Variants in KIRREL3 observed in about 807,000 individuals in gnomAD.
KIRREL3 encodes kin of IRRE-like protein 3.
Under a neutral mutation model 89.7 loss-of-function variants are expected in KIRREL3, and 36 were observed. That is an observed-to-expected ratio of 0.40 (90% confidence interval 0.31 to 0.53). The LOEUF is 0.53. Ranked by LOEUF, KIRREL3 falls within the 20% of genes least tolerant of loss-of-function variation. KIRREL3 has a pLI of 0.49. For missense variants in KIRREL3, 864 were observed against 1,056.6 expected (o/e 0.82, Z 2.53); for synonymous variants, 445 against 441.4 (o/e 1.01, Z -0.10).
intron 1 of KIRREL3, among the ~76,000 whole-genome samples, chr11:126,806,176 TG>T (rs1464938938): frequency 1.3e-5 from 2 of 152,174 alleles, no homozygotes; most frequent in African/African-American, 4.8e-5. Flanking sequence ...GGAAAGCTAT[TG>T]TCTTGATTTT....
At chr11:126,556,037 C>T (rs1163520858) in intron 2 of KIRREL3, among the ~76,000 whole-genome samples, 11 of 152,156 alleles carry the variant, frequency 7.2e-5, no homozygotes, top group East Asian at 1.9e-4. Flanking sequence ...CCACCGTGCC[C>T]GGCCTTCAGT....
chr11:126,429,127 A>G lies in KIRREL3; in HGVS notation c.1806+52T>C. The G allele has an allele frequency of 8.2e-7, 1 of 1,216,576 alleles. No individual in the cohort carries two copies. The highest frequency in any genetic ancestry group is 1.2e-6 in the Non-Finnish European group (1 of 828,798). The allele number at this position is 1,216,576 out of a possible 1,614,324, so 75.4% of individuals were successfully genotyped here. On this transcript the variant is annotated intron_variant, in intron 15 of 16. Coordinates refer to ENST00000525144, the MANE Select transcript of KIRREL3 (RefSeq NM_032531.4). The surrounding 1 kb of genome is among the most constrained non-coding windows in gnomAD (Gnocchi z 5.2). ...TCATTGAGAAGCCTCTAGTCCCAGGACCTTCTGGGAATGGAGTCACGGGAT... is the reference window on the plus strand; with the variant it reads ...TCATTGAGAAGCCTCTAGTCCCAGGGCCTTCTGGGAATGGAGTCACGGGAT...
intron 2 of KIRREL3, among the ~76,000 whole-genome samples, chr11:126,548,336 C>A (rs1021020334): frequency 6.6e-5 from 10 of 152,232 alleles, no homozygotes; most frequent in Non-Finnish European, 1.5e-5. Flanking sequence ...TGGACCCCTT[C>A]TCTTGAGGGC....
rs886769787 is a variant in KIRREL3, at chr11:126,863,610, C to T, written c.55+136845G>A. ...GTGTGTTTGAGTGCGTGTGTGTTTGCGTGCGTGTGTGTGTGTTTGAGTGCG... is the reference window on the plus strand; with the variant it reads ...GTGTGTTTGAGTGCGTGTGTGTTTGTGTGCGTGTGTGTGTGTTTGAGTGCG... On this transcript the variant is annotated intron_variant, in intron 1 of 16. Transcript: ENST00000525144. Among the ~76,000 whole-genome samples the T allele has an allele frequency of 3.3e-4, 7 of 20,956 alleles. No homozygotes were observed. The South Asian group carries it at 0.012, about 37-fold the overall frequency. The allele number at this position is 20,956 out of a possible 152,430, so 13.7% of individuals were successfully genotyped here.
intron 1 of KIRREL3, among the ~76,000 whole-genome samples, chr11:126,799,145 T>A (rs867631205): frequency 7.3e-6 from 1 of 137,366 alleles, no homozygotes; most frequent in African/African-American, 2.8e-5. Flanking sequence ...TACCTGTGTG[T>A]GCATGTGCGT....
intron 4 of KIRREL3, among the ~76,000 whole-genome samples, chr11:126,509,361 G>A (rs1211328083): frequency 6.6e-6 from 1 of 152,154 alleles, no homozygotes; most frequent in Non-Finnish European, 1.5e-5. Flanking sequence ...CACCCTCCAA[G>A]CTTGGCTTCA....
At chr11:126,966,543 C>T (rs975189556) in intron 1 of KIRREL3, among the ~76,000 whole-genome samples, 7 of 152,130 alleles carry the variant, frequency 4.6e-5, no homozygotes, top group South Asian at 4.1e-4. Context: ...GCCGCAGAAC[C>T]GTGGTGTACT....
At chr11:126,657,113 C>T (rs1945178306) in intron 1 of KIRREL3, among the ~76,000 whole-genome samples, 2 of 151,972 alleles carry the variant, frequency 1.3e-5, no homozygotes, top group African/African-American at 2.4e-5. Flanking sequence ...TTTTCTCTCA[C>T]ACTGTATTGT....
rs999092829 is a variant in KIRREL3, at chr11:126,719,141, G to A, written c.56-156229C>T. On this transcript the variant is annotated intron_variant, in intron 1 of 16. Transcript: ENST00000525144. The surrounding 1 kb of genome is among the most constrained non-coding windows in gnomAD (Gnocchi z 4.7). ...CACTGTCTCCTTCATCTAGACAAAC[G>A]CATTTCCCTTCATTCCGACACTCGG... Among the ~76,000 whole-genome samples, 6 of 152,104 alleles carry A rather than the reference G, an allele frequency of 3.9e-5. No homozygotes were observed. The highest frequency in any genetic ancestry group is 7.2e-5 in the African/African-American group (3 of 41,424).
chr11:126,684,964 C>T lies in KIRREL3; in HGVS notation c.56-122052G>A, dbSNP rs1946611736. 1.3e-5 allele frequency among the ~76,000 whole-genome samples: 2 copies of T among 152,180 alleles called. No individual in the cohort carries two copies. The highest frequency in any genetic ancestry group is 2.9e-5 in the Non-Finnish European group (2 of 68,034). On this transcript the variant is annotated intron_variant, in intron 1 of 16. Coordinates refer to ENST00000525144, the MANE Select transcript of KIRREL3 (RefSeq NM_032531.4). This position sits in a 1 kb window ranked among gnomAD's most constrained non-coding sequence, Gnocchi z 4.2. ...CCCTTTTGTCCTCTTCTCTCTTCCTCTCTCCCTCATTTCTGGCTTCCCTCT... is the reference window on the plus strand; with the variant it reads ...CCCTTTTGTCCTCTTCTCTCTTCCTTTCTCCCTCATTTCTGGCTTCCCTCT...
Position 126,995,202 on chromosome 11 carries a change from A to C in KIRREL3, c.55+5253T>G, listed in dbSNP as rs1014716638. Reference sequence around the variant, plus strand: ...TTAGCCCCCCAGAGCAGCTGCTCCCACCGACCCTGCTCCAAGAGTGCTGGG... The same window carrying C: ...TTAGCCCCCCAGAGCAGCTGCTCCCCCCGACCCTGCTCCAAGAGTGCTGGG... On this transcript the variant is annotated intron_variant, in intron 1 of 16. Coordinates refer to ENST00000525144, the MANE Select transcript of KIRREL3 (RefSeq NM_032531.4). This position sits in a 1 kb window ranked among gnomAD's most constrained non-coding sequence, Gnocchi z 6.5. The C allele has an allele frequency of 6.6e-6, 3 of 456,074 alleles. No individual in the cohort carries two copies. Among genetic ancestry groups the C allele is most frequent in the African/African-American group, 4.0e-5 (2 of 50,044 alleles). 28.3% of individuals were successfully genotyped at this position (456,074 alleles called of 1,614,324 possible).
At chr11:126,716,286 T>C (rs1187140821) in intron 1 of KIRREL3, among the ~76,000 whole-genome samples, 2 of 152,144 alleles carry the variant, frequency 1.3e-5, no homozygotes, top group African/African-American at 2.4e-5. Context: ...GCAGCTAATA[T>C]GTATGGAGCA....
chr11:126,456,693 C>T (rs932111146), intron 6 of KIRREL3, among the ~76,000 whole-genome samples: 2 of 152,174 alleles, frequency 1.3e-5, no homozygotes, highest in African/African-American at 4.8e-5. Context: ...AACCCCGAGC[C>T]AGGAAGCCTC....
rs1225289068 is a variant in KIRREL3 at position 126,723,524 on chromosome 11, C to A, written c.56-160612G>T. The stretch of plus-strand genomic sequence containing the variant: ...GTGCCAACATTTACCTCACACCTCC[C>A]TTAGTAGGCAAGAAAGCATTTCCTA... On this transcript the variant is annotated intron_variant, in intron 1 of 16. Transcript: ENST00000525144. This position sits in a 1 kb window ranked among gnomAD's most constrained non-coding sequence, Gnocchi z 4.0. Among the ~76,000 whole-genome samples the A allele has an allele frequency of 6.6e-6, 1 of 152,214 alleles. No homozygotes were observed. The highest frequency in any genetic ancestry group is 2.1e-4 in the South Asian group (1 of 4,832).
rs540830913 is a variant in KIRREL3, at chr11:126,864,187, A to T, written c.55+136268T>A. ...TTTTCATGTGAAGTGGAGAAGGTGG[A>T]GTTATTATTCTCATTTTAGGGATAA... On this transcript the variant is annotated intron_variant, in intron 1 of 16. Coordinates refer to ENST00000525144, the MANE Select transcript of KIRREL3 (RefSeq NM_032531.4). Among the ~76,000 whole-genome samples the T allele has an allele frequency of 4.6e-5, 7 of 152,286 alleles. No individual in the cohort carries two copies. The South Asian group carries it at 1.5e-3, about 32-fold the overall frequency.
rs1457633284 is a variant in KIRREL3 at position 126,955,279 on chromosome 11, A to G, written c.55+45176T>C. On this transcript the variant is annotated intron_variant, in intron 1 of 16. Transcript: ENST00000525144. This position sits in a 1 kb window ranked among gnomAD's most constrained non-coding sequence, Gnocchi z 4.6. ...TTCTCTAGCAAACAGCAATGCTTTG[A>G]AAGCAATTGACAGAAAGCTGGCTTA... 6.6e-6 allele frequency among the ~76,000 whole-genome samples: 1 copy of G among 152,246 alleles called. No homozygotes were observed.
At position 126,719,932 on chromosome 11, in the gene KIRREL3, T is replaced by A. The variant is rs932677538; in HGVS notation, c.56-157020A>T. Among the ~76,000 whole-genome samples, 2 of 152,154 alleles carry A rather than the reference T, an allele frequency of 1.3e-5. No homozygotes were observed. The highest frequency in any genetic ancestry group is 2.9e-5 in the Non-Finnish European group (2 of 68,034). ...TCAGTTGGATCTGATCGCTCCTCTGTCCAAACTTCTGATGGCTTAGGGTCA... is the reference window on the plus strand; with the variant it reads ...TCAGTTGGATCTGATCGCTCCTCTGACCAAACTTCTGATGGCTTAGGGTCA... On this transcript the variant is annotated intron_variant, in intron 1 of 16. Coordinates refer to ENST00000525144, the MANE Select transcript of KIRREL3 (RefSeq NM_032531.4). The surrounding 1 kb of genome is among the most constrained non-coding windows in gnomAD (Gnocchi z 4.7).
At position 126,938,716 on chromosome 11, in the gene KIRREL3, T is replaced by C. The variant is rs570375374; in HGVS notation, c.55+61739A>G. 3.3e-4 allele frequency among the ~76,000 whole-genome samples: 51 copies of C among 152,332 alleles called. No individual in the cohort carries two copies. In the South Asian group the frequency reaches 9.5e-3, roughly 28 times the overall value. Reference sequence around the variant, plus strand: ...ACTCTAAACTGTAACATAAAGAAAGTTTCTAGACACAATTTTCTTTTCACT... The same window carrying C: ...ACTCTAAACTGTAACATAAAGAAAGCTTCTAGACACAATTTTCTTTTCACT... On this transcript the variant is annotated intron_variant, in intron 1 of 16. Transcript: ENST00000525144.
chr11:126,672,672 T>C (rs1946009481), intron 1 of KIRREL3, among the ~76,000 whole-genome samples: 1 of 152,184 alleles, frequency 6.6e-6, no homozygotes, highest in Non-Finnish European at 1.5e-5. Flanking sequence ...ATATTGGATC[T>C]TTGTCCTTGG....
Sources: allele counts gnomAD v4.1 joint callset (sites outside exome capture counted in the v4.1 genomes callset), GRCh38; gene constraint gnomAD v4.1.1; non-coding constraint Gnocchi (gnomAD v3.1); transcripts MANE v1.5; gene names NCBI Gene and HGNC (gene_info 2026-07-23, HGNC 2026-07-21).